The following HEYL variants were observed in gnomAD, a reference collection of about 807,000 sequenced individuals.
HEYL encodes hes related family bHLH transcription factor with YRPW motif like, also known as hairy/enhancer-of-split related with YRPW motif-like protein.
Under a neutral mutation model 18.6 loss-of-function variants are expected in HEYL, and 12 were observed. The ratio of observed to expected loss-of-function variants is 0.65; its 90% CI spans 0.41 to 1.05. The LOEUF (loss-of-function observed/expected upper bound fraction) is 1.05. Ranked by LOEUF, HEYL falls within the 50% of genes least tolerant of loss-of-function variation. The pLI is 0.00. For missense variants in HEYL, 420 were observed against 444.7 expected, an observed-to-expected ratio of 0.94 and a Z score of 0.50; for synonymous variants, 159 against 179.6, an observed-to-expected ratio of 0.89 and a Z score of 0.91.
At position 39,639,429 on chromosome 1, in the gene HEYL, C is replaced by T. The variant is rs1026360492; in HGVS notation, c.80+117G>A. 5 of 756,698 alleles carry T rather than the reference C, an allele frequency of 6.6e-6. No individual in the cohort carries two copies. In the East Asian group the frequency reaches 1.0e-4, roughly 15 times the overall value. The allele number at this position is 756,698 out of a possible 1,614,324, so 46.9% of individuals were successfully genotyped here. A position where few individuals can be genotyped will look rare whatever the true frequency, so the allele number is the denominator to read the frequency against. On this transcript the variant is annotated intron_variant, in intron 1 of 4. Coordinates refer to ENST00000372852, the MANE Select transcript of HEYL (RefSeq NM_014571.4). ...CGCCGACACCTGTGGCCCCCGCGCT[C>T]ACCTGCCTCTGCCCAGGCGGTGCTG...
At chr1:39,631,054 A>G (rs1557737709) in intron 3 of HEYL, among the ~76,000 whole-genome samples, 2 of 152,070 alleles carry the variant, frequency 1.3e-5, no homozygotes, top group South Asian at 2.1e-4. Context: ...TAGTTCCCCC[A>G]CCTAACATGC....
intron 1 of HEYL, among the ~76,000 whole-genome samples, chr1:39,637,539 T>C (rs1646367376): frequency 2.0e-5 from 3 of 152,190 alleles, no homozygotes; most frequent in Admixed American, 2.0e-4. Context: ...CATCGTTCAG[T>C]GCTCCCTGAA....
At chr1:39,639,043 AAACTCC>A (rs1227257384) in intron 1 of HEYL, among the ~76,000 whole-genome samples, 1 of 152,156 alleles carries the variant, frequency 6.6e-6, no homozygotes, top group Non-Finnish European at 1.5e-5. Context: ...CCCTAAATCC[AAACTCC>A]AATTTGCTCA....
chr1:39,626,796 C>A lies in HEYL; in HGVS notation c.698G>T (p.Arg233Leu). 1 of 1,559,268 alleles carries A rather than the reference C, an allele frequency of 6.4e-7. No individual in the cohort carries two copies. Among genetic ancestry groups the A allele is most frequent in the East Asian group, 2.4e-5 (1 of 41,980 alleles). Reference protein sequence around the residue: ...RRATGIILPARRNVLPSRGAS... With the variant: ...RRATGIILPALRNVLPSRGAS... ...CCCTCGACTGGGCAGCACATTCCTC[C>A]GGGCTGGCAGGATGATGCCTGTGGC... The change falls in exon 5 of 5, where the codon CGG (arginine) becomes CTG (leucine). Residue 233 changes from arginine to leucine, a missense_variant. Transcript: ENST00000372852.
intron 1 of HEYL, among the ~76,000 whole-genome samples, chr1:39,636,352 C>T (rs142563092): frequency 0.026 from 4,006 of 152,036 alleles, 65 homozygotes; most frequent in Middle Eastern, 0.041. Context: ...CTGCAACCTC[C>T]GCCTCCCAGG....
chr1:39,639,450 T>G, intron 1 of HEYL, 96 bp downstream of exon 1: 1 of 1,016,064 alleles, frequency 9.8e-7, no homozygotes, highest in Non-Finnish European at 1.4e-6. Context: ...GCCCAGGCGG[T>G]GCTGGAGGGC....
chr1:39,636,085 C>T (rs929165654), intron 1 of HEYL, among the ~76,000 whole-genome samples: 1 of 152,128 alleles, frequency 6.6e-6, no homozygotes, highest in African/African-American at 2.4e-5. Flanking sequence ...TTGCAGATGA[C>T]CCTAATCATT....
Position 39,624,225 on chromosome 1 carries a change from A to T in HEYL, c.*2282T>A, listed in dbSNP as rs1230850347. ...ATGCAATGGGGTAGGAGTTGGAGAC[A>T]CCAGGAAGGCTTGGGGATAGAAACA... On this transcript the variant is annotated 3_prime_UTR_variant, in exon 5 of 5. Transcript: ENST00000372852. 6.6e-6 allele frequency: 1 copy of T among 152,258 alleles called. No individual in the cohort carries two copies. Among genetic ancestry groups the T allele is most frequent in the African/African-American group, 2.4e-5 (1 of 41,464 alleles). The allele number at this position is 152,258 out of a possible 1,614,324, so 9.4% of individuals were successfully genotyped here.
intron 2 of HEYL, 43 bp from the exon 3 acceptor site, chr1:39,631,622 C>G: frequency 6.4e-7 from 1 of 1,552,970 alleles, no homozygotes; most frequent in South Asian, 1.1e-5. Context: ...TGTGTCATCA[C>G]AGTTTCCAAA....
chr1:39,633,108 G>A, intron 1 of HEYL: 1 of 983,960 alleles, frequency 1.0e-6, no homozygotes, highest in Non-Finnish European at 1.2e-6. Flanking sequence ...CTGGGAACGA[G>A]CGTGGAAAGA....
At position 39,624,693 on chromosome 1, in the gene HEYL, C is replaced by T. The variant is rs1191722501; in HGVS notation, c.*1814G>A. ...GTCTCCCCTCTGCCTCCCTCCGGAG[C>T]ACTCCCTGCCAATGACCCACTCTCT... is the stretch of plus-strand genomic sequence containing the variant. On this transcript the variant is annotated 3_prime_UTR_variant, in exon 5 of 5. Coordinates refer to ENST00000372852, the MANE Select transcript of HEYL (RefSeq NM_014571.4). 1 of 152,396 alleles carries T rather than the reference C, an allele frequency of 6.6e-6. No individual in the cohort carries two copies. The highest frequency in any genetic ancestry group is 2.4e-5 in the African/African-American group (1 of 41,452). 9.4% of individuals were successfully genotyped at this position (152,396 alleles called of 1,614,324 possible).
intron 1 of HEYL, 52 bp from the exon 2 acceptor site, chr1:39,632,767 G>A (rs904602795): frequency 4.4e-6 from 7 of 1,605,212 alleles, no homozygotes; most frequent in Non-Finnish European, 5.1e-6. Flanking sequence ...CAGTCTCCCC[G>A]GCCTGGGCCG....
At chr1:39,632,285 G>A (rs920935671) in intron 2 of HEYL, among the ~76,000 whole-genome samples, 4 of 152,116 alleles carry the variant, frequency 2.6e-5, no homozygotes, top group Admixed American at 6.6e-5. Context: ...CCCCCACCCC[G>A]GCACACTGAG....
chr1:39,634,812 T>C (rs1463446285), intron 1 of HEYL, among the ~76,000 whole-genome samples: 1 of 152,258 alleles, frequency 6.6e-6, no homozygotes, highest in Admixed American at 6.5e-5. Context: ...CCATGAACCA[T>C]GTCTGTTACA....
chr1:39,626,376 C>T lies in HEYL; in HGVS notation c.*131G>A, dbSNP rs1646296853. ...GATGGGTTGGAGGAGGAGGGGGCCT[C>T]TGATGGCTGGAGAACGTGCCTTCAC... On this transcript the variant is annotated 3_prime_UTR_variant, in exon 5 of 5. Transcript: ENST00000372852. 1.3e-6 allele frequency: 1 copy of T among 788,100 alleles called. No individual in the cohort carries two copies. Among genetic ancestry groups the T allele is most frequent in the South Asian group, 2.0e-5 (1 of 50,628 alleles). 48.8% of individuals were successfully genotyped at this position (788,100 alleles called of 1,614,324 possible).
At position 39,625,836 on chromosome 1, in the gene HEYL, G is replaced by A. The variant is rs1646293752; in HGVS notation, c.*671C>T. 1 of 152,788 alleles carries A rather than the reference G, an allele frequency of 6.5e-6. No homozygotes were observed. The allele number at this position is 152,788 out of a possible 1,614,324, so 9.5% of individuals were successfully genotyped here. ...TGTGTGCAGGGACCTGTTAGTCAGT[G>A]AGAGGGTGGGTGTCTGCTGCTGGGA... On this transcript the variant is annotated 3_prime_UTR_variant, in exon 5 of 5. Transcript: ENST00000372852.
At chr1:39,632,345 A>G (rs1646338012) in intron 2 of HEYL, among the ~76,000 whole-genome samples, 1 of 152,254 alleles carries the variant, frequency 6.6e-6, no homozygotes, top group Non-Finnish European at 1.5e-5. Flanking sequence ...AGGAACAACA[A>G]TCATAATGGC....
chr1:39,626,586 G>T lies in HEYL; in HGVS notation c.908C>A (p.Pro303Gln). 6.4e-7 allele frequency: 1 copy of T among 1,553,164 alleles called. No homozygotes were observed. Among genetic ancestry groups the T allele is most frequent in the Non-Finnish European group, 8.7e-7 (1 of 1,149,108 alleles). The change falls in exon 5 of 5, where the codon CCA becomes CAA. Residue 303 changes from proline to glutamine, a missense_variant. By Grantham distance (76) the Pro-to-Gln change is moderately conservative. Coordinates refer to ENST00000372852, the MANE Select transcript of HEYL (RefSeq NM_014571.4). ...VAVPTPNSSS[P>Q]GPAGRPAGAM... ...TCCCGCTGGCCTCCCAGCTGGCCCT[G>T]GGGAGGATGAGTTGGGGGTGGGAAC... is the stretch of plus-strand genomic sequence containing the variant.
At chr1:39,638,927 T>C (rs1646373454) in intron 1 of HEYL, among the ~76,000 whole-genome samples, 1 of 152,190 alleles carries the variant, frequency 6.6e-6, no homozygotes, top group African/African-American at 2.4e-5. Flanking sequence ...TCAGACTATC[T>C]ACCAGGAGCT....
Sources: gnomAD v4.1 joint callset for allele counts (sites outside exome capture counted in the v4.1 genomes callset) on GRCh38, gnomAD v4.1.1 for gene constraint, MANE v1.5 for transcripts, NCBI Gene and HGNC (gene_info 2026-07-23, HGNC 2026-07-21) for gene names.